Variants in CALCRL observed in about 807,000 individuals in gnomAD.
The protein encoded by CALCRL is calcitonin receptor like receptor.
CALCRL carries 27 observed loss-of-function variants against 60.4 expected under a neutral mutation model. The observed-to-expected ratio is 0.45, with a 90% confidence interval of 0.33 to 0.62. The LOEUF is 0.62. Among genes scored for constraint, CALCRL ranks in the 20% least tolerant of loss-of-function variants. CALCRL has a pLI of 0.03. For synonymous variants in CALCRL, 190 were observed against 182.6 expected (o/e 1.04, Z -0.33); for missense variants, 424 against 540.7 (o/e 0.78, Z 2.14).
chr2:187,444,701 T>C (rs1691088844), intron 1 of CALCRL, among the ~76,000 whole-genome samples: 2 of 151,520 alleles, frequency 1.3e-5, no homozygotes, highest in Non-Finnish European at 3.0e-5. Flanking sequence ...AGTGATACTA[T>C]TTTATATTTT....
rs533775566 is a variant in CALCRL, at chr2:187,411,972, CTG to C, written c.-292-24218_-292-24217del. ...CCAGCCTGGGCGACAGAGCGAGACT[CTG>C]TCTCAAAAAAAAAAAAAAAAAAAAA... On this transcript the variant is annotated intron_variant, in intron 1 of 14. Coordinates refer to ENST00000392370, the MANE Select transcript of CALCRL (RefSeq NM_005795.6). Among the ~76,000 whole-genome samples, 449 of 108,376 alleles carry C rather than the reference CTG, an allele frequency of 4.1e-3. 2 individuals are homozygous for C. The Middle Eastern group carries it at 0.085, about 21-fold the overall frequency. The allele number at this position is 108,376 out of a possible 152,430, so 71.1% of individuals were successfully genotyped here. A position where few individuals can be genotyped will look rare whatever the true frequency, so the allele number is the denominator to read the frequency against.
At chr2:187,379,560 T>C (rs1687906507) in intron 7 of CALCRL, among the ~76,000 whole-genome samples, 1 of 152,182 alleles carries the variant, frequency 6.6e-6, no homozygotes, top group Non-Finnish European at 1.5e-5. Context: ...CACTTTTTTA[T>C]TTTTATTTGT....
intron 1 of CALCRL, among the ~76,000 whole-genome samples, chr2:187,422,732 C>G (rs1184364155): frequency 6.6e-6 from 1 of 151,710 alleles, no homozygotes; most frequent in Non-Finnish European, 1.5e-5. Flanking sequence ...CTGATAACTT[C>G]TAAGAGACAA....
chr2:187,392,879 T>A (rs1489270598), intron 1 of CALCRL, among the ~76,000 whole-genome samples: 2 of 151,974 alleles, frequency 1.3e-5, no homozygotes. Flanking sequence ...TCCAATAAAG[T>A]ATGAAAAAGA....
chr2:187,350,126 A>G (rs980075948), intron 14 of CALCRL, among the ~76,000 whole-genome samples: 1 of 151,632 alleles, frequency 6.6e-6, no homozygotes, highest in Non-Finnish European at 1.5e-5. Flanking sequence ...TGCTGTGTTT[A>G]TTCTACACTG....
intron 14 of CALCRL, 151 bp downstream of exon 14, chr2:187,351,769 G>A: frequency 1.7e-6 from 1 of 596,294 alleles, no homozygotes; most frequent in Non-Finnish European, 3.0e-6. Flanking sequence ...TTAAACCTAT[G>A]GTAAGAGATT....
At position 187,383,325 on chromosome 2, in the gene CALCRL, A is replaced by G. The variant is rs780174209; in HGVS notation, c.52-20T>C. The G allele has an allele frequency of 9.5e-6, 15 of 1,575,180 alleles. No individual in the cohort carries two copies. In the South Asian group the frequency reaches 1.3e-4, roughly 14 times the overall value. On this transcript the variant is annotated intron_variant, in intron 4 of 14. Coordinates refer to ENST00000392370, the MANE Select transcript of CALCRL (RefSeq NM_005795.6). ...AAGAATCTAAGGGATTAAAAAAACAACAACATCAACTTCATGAAAAGGATT... is the reference window on the plus strand; with the variant it reads ...AAGAATCTAAGGGATTAAAAAAACAGCAACATCAACTTCATGAAAAGGATT...
intron 8 of CALCRL, among the ~76,000 whole-genome samples, chr2:187,370,313 T>C (rs1183087087): frequency 2.6e-5 from 4 of 152,156 alleles, no homozygotes; most frequent in African/African-American, 7.2e-5. Context: ...TCTATAATAA[T>C]GGAAAACCTG....
At position 187,383,638 on chromosome 2, in the gene CALCRL, G is replaced by A. The variant is rs567329743; in HGVS notation, c.52-333C>T. Among the ~76,000 whole-genome samples, 154 of 152,164 alleles carry A rather than the reference G, an allele frequency of 1.0e-3. 2 individuals are homozygous for A. The highest frequency in any genetic ancestry group is 3.7e-3 in the African/African-American group (153 of 41,524). ...ACAGAGATGTCTTCCAATCTGACCC[G>A]AATGTTTTTCCTGGCTCTATGAATG... On this transcript the variant is annotated intron_variant, in intron 4 of 14. Transcript: ENST00000392370.
chr2:187,391,896 T>C (rs1329178223), intron 1 of CALCRL, among the ~76,000 whole-genome samples: 1 of 152,166 alleles, frequency 6.6e-6, no homozygotes, highest in Admixed American at 6.6e-5. Context: ...TCTGGTTTAA[T>C]TTCTTAATAT....
chr2:187,379,870 C>T (rs1438319010), intron 7 of CALCRL, among the ~76,000 whole-genome samples: 1 of 152,114 alleles, frequency 6.6e-6, no homozygotes. Context: ...AATAAGAAAT[C>T]AGGTTTTAGG....
At chr2:187,419,708 T>C (rs1022328152) in intron 1 of CALCRL, among the ~76,000 whole-genome samples, 1 of 152,218 alleles carries the variant, frequency 6.6e-6, no homozygotes, top group African/African-American at 2.4e-5. Flanking sequence ...AGAAATATAT[T>C]TTAATTTGCA....
In CALCRL at chr2:187,342,215, G is replaced by C. The variant is rs942260070; in HGVS notation, c.*3969C>G. Among the ~76,000 whole-genome samples the C allele has an allele frequency of 2.0e-5, 3 of 151,790 alleles. No individual in the cohort carries two copies. The highest frequency in any genetic ancestry group is 4.4e-5 in the Non-Finnish European group (3 of 67,774). ...ATCTGTTGAGACAGAATGTAAATTAGTGATGTTTATAGCTGAAATGAAAGT... is the reference window on the plus strand; with the variant it reads ...ATCTGTTGAGACAGAATGTAAATTACTGATGTTTATAGCTGAAATGAAAGT... On this transcript the variant is annotated 3_prime_UTR_variant, in exon 15 of 15. Transcript: ENST00000392370.
intron 8 of CALCRL, among the ~76,000 whole-genome samples, chr2:187,377,173 A>G (rs1687792828): frequency 6.6e-6 from 1 of 152,150 alleles, no homozygotes; most frequent in African/African-American, 2.4e-5. Flanking sequence ...AGAATGGCAA[A>G]ATCAGGTCAA....
chr2:187,427,551 A>G lies in CALCRL; in HGVS notation c.-293+20488T>C, dbSNP rs545927120. 9.8e-5 allele frequency among the ~76,000 whole-genome samples: 15 copies of G among 152,300 alleles called. No homozygotes were observed. In the South Asian group the frequency reaches 1.0e-3, roughly 11 times the overall value. Reference sequence around the variant, plus strand: ...ATAATATGCTTTCTACTAAATTTCAATGGCAGTTTATGTTTACCTACCATA... The same window carrying G: ...ATAATATGCTTTCTACTAAATTTCAGTGGCAGTTTATGTTTACCTACCATA... On this transcript the variant is annotated intron_variant, in intron 1 of 14. Coordinates refer to ENST00000392370, the MANE Select transcript of CALCRL (RefSeq NM_005795.6).
At chr2:187,413,682 G>A (rs991412124) in intron 1 of CALCRL, among the ~76,000 whole-genome samples, 7 of 152,080 alleles carry the variant, frequency 4.6e-5, no homozygotes, top group Non-Finnish European at 2.9e-5. Context: ...ACTATAACTT[G>A]TATGTTGACA....
intron 14 of CALCRL, among the ~76,000 whole-genome samples, chr2:187,347,131 G>A (rs1442135382): frequency 6.6e-6 from 1 of 151,762 alleles, no homozygotes; most frequent in Non-Finnish European, 1.5e-5. Context: ...GAGATCAGGG[G>A]TAGGTGGGTC....
At chr2:187,347,210 A>G (rs369242717) in intron 14 of CALCRL, among the ~76,000 whole-genome samples, 20 of 151,796 alleles carry the variant, frequency 1.3e-4, no homozygotes, top group Non-Finnish European at 4.4e-5. Flanking sequence ...TTGTCAGTCA[A>G]TGGGCACAAA....
intron 9 of CALCRL, among the ~76,000 whole-genome samples, chr2:187,361,733 TA>T (rs1006219088): frequency 1.3e-5 from 2 of 151,916 alleles, no homozygotes; most frequent in Admixed American, 6.6e-5. Context: ...ATTTTATAGA[TA>T]AAAAAACTTA....
Sources: allele counts gnomAD v4.1 joint callset (sites outside exome capture counted in the v4.1 genomes callset), GRCh38; gene constraint gnomAD v4.1.1; transcripts MANE v1.5; gene names NCBI Gene and HGNC (gene_info 2026-07-23, HGNC 2026-07-21).